The following CCDC73 variants were observed in gnomAD, a reference collection of about 807,000 sequenced individuals.
CCDC73 encodes coiled-coil domain-containing protein 73.
Under a neutral mutation model 116.5 loss-of-function variants are expected in CCDC73, and 95 were observed. The ratio of observed to expected loss-of-function variants is 0.82; its 90% CI spans 0.69 to 0.97. The LOEUF is 0.97. CCDC73 is among the 50% of genes least tolerant of loss of function. The pLI is 0.00. For synonymous variants in CCDC73, 398 were observed against 401.3 expected (o/e 0.99, Z 0.10); for missense variants, 1,066 against 1,206.8 (o/e 0.88, Z 1.73).
chr11:32,619,257 T>A (rs574551839), intron 14 of CCDC73, among the ~76,000 whole-genome samples: 1 of 143,074 alleles, frequency 7.0e-6, no homozygotes, highest in Non-Finnish European at 1.6e-5. Context: ...ATATCCAGAA[T>A]GGTGTTTGCT....
chr11:32,744,311 A>T (rs1222249213), intron 2 of CCDC73, among the ~76,000 whole-genome samples: 1 of 152,212 alleles, frequency 6.6e-6, no homozygotes, highest in Non-Finnish European at 1.5e-5. Context: ...TTGGTTTGCC[A>T]GTATTTTATT....
At chr11:32,616,176 A>G (rs1317424291) in intron 14 of CCDC73, 47 bp from the exon 15 acceptor site, 1 of 1,500,130 alleles carries the variant, frequency 6.7e-7, no homozygotes, top group Non-Finnish European at 8.9e-7. Flanking sequence ...GCCTACAAGT[A>G]TAAAACATTT....
intron 1 of CCDC73, among the ~76,000 whole-genome samples, chr11:32,788,575 T>G (rs1850647050): frequency 1.3e-5 from 2 of 151,532 alleles, no homozygotes; most frequent in African/African-American, 2.4e-5. Flanking sequence ...CCGGAGCTCA[T>G]GAGATCCTCC....
chr11:32,602,830 T>C lies in CCDC73; in HGVS notation c.3221A>G (p.Lys1074Arg), dbSNP rs1392107906. The change falls in exon 18 of 18, where the codon AAA becomes AGA. Residue 1074 changes from lysine to arginine, a missense_variant. Transcript: ENST00000335185. The part of the protein sequence containing the change: ...KKRKAEETLE[K>R]NNRLK Reference sequence around the variant, plus strand: ...TCTACATTATTTTAATCTGTTGTTTTTTTCCAACGTCTCTTCTGCTTTTCT... The same window carrying C: ...TCTACATTATTTTAATCTGTTGTTTCTTTCCAACGTCTCTTCTGCTTTTCT... 1 of 1,597,788 alleles carries C rather than the reference T, an allele frequency of 6.3e-7. No homozygotes were observed. The highest frequency in any genetic ancestry group is 1.8e-5 in the Admixed American group (1 of 57,018).
intron 1 of CCDC73, among the ~76,000 whole-genome samples, chr11:32,767,124 T>C (rs1399031705): frequency 2.6e-5 from 4 of 152,012 alleles, no homozygotes; most frequent in Non-Finnish European, 4.4e-5. Flanking sequence ...AAAACAGAGA[T>C]ATAGACCAAT....
chr11:32,765,307 T>C (rs1357026966), intron 1 of CCDC73, among the ~76,000 whole-genome samples: 1 of 152,204 alleles, frequency 6.6e-6, no homozygotes, highest in Non-Finnish European at 1.5e-5. Flanking sequence ...ATCGACATAA[T>C]ATACATTCTT....
Position 32,700,846 on chromosome 11 carries a change from A to T in CCDC73, c.280-20T>A. On this transcript the variant is annotated intron_variant, in intron 4 of 17. Transcript: ENST00000335185. ...CTGCAACTGATAAACAATTTTAAAA[A>T]TTAAAATAAAGGGATCACTGTTAAC... 7.3e-7 allele frequency: 1 copy of T among 1,376,092 alleles called. No homozygotes were observed. The highest frequency in any genetic ancestry group is 9.9e-7 in the Non-Finnish European group (1 of 1,007,810). 85.2% of individuals were successfully genotyped at this position (1,376,092 alleles called of 1,614,324 possible). A position where few individuals can be genotyped will look rare whatever the true frequency, so the allele number is the denominator to read the frequency against.
intron 14 of CCDC73, among the ~76,000 whole-genome samples, chr11:32,627,851 A>G (rs1438198469): frequency 6.6e-6 from 1 of 152,214 alleles, no homozygotes; most frequent in Non-Finnish European, 1.5e-5. Context: ...GGATAGCATT[A>G]GGAGATATAC....
At position 32,781,354 on chromosome 11, in the gene CCDC73, G is replaced by C. The variant is rs1850582689; in HGVS notation, c.-16+13259C>G. Among the ~76,000 whole-genome samples, 4 of 152,246 alleles carry C rather than the reference G, an allele frequency of 2.6e-5. No homozygotes were observed. In the South Asian group the frequency reaches 8.3e-4, roughly 32 times the overall value. Reference sequence around the variant, plus strand: ...TCTAAGACAAAAACAATAAAACTCTGTTTTTTGGCAGACAGATAAAAAAGT... The same window carrying C: ...TCTAAGACAAAAACAATAAAACTCTCTTTTTTGGCAGACAGATAAAAAAGT... On this transcript the variant is annotated intron_variant, in intron 1 of 17. Coordinates refer to ENST00000335185, the MANE Select transcript of CCDC73 (RefSeq NM_001008391.4).
At chr11:32,782,259 C>A (rs575452861) in intron 1 of CCDC73, among the ~76,000 whole-genome samples, 62 of 152,254 alleles carry the variant, frequency 4.1e-4, no homozygotes, top group Non-Finnish European at 8.2e-4. Context: ...ATAAAGTGCA[C>A]AATAAGTTGT....
At chr11:32,769,623 C>T (rs769637401) in intron 1 of CCDC73, among the ~76,000 whole-genome samples, 3 of 152,076 alleles carry the variant, frequency 2.0e-5, no homozygotes, top group Non-Finnish European at 2.9e-5. Flanking sequence ...TAGGAAGACA[C>T]AAAAGGAGCA....
At position 32,760,152 on chromosome 11, in the gene CCDC73, T is replaced by G. The variant is rs755282787; in HGVS notation, c.92A>C (p.Lys31Thr). ...TLFSIQLLDF[K>T]TSLLEALEEL... ...TTCTAATGCCTCCAGTAAACTTGTT[T>G]TGAAATCTAATAGCTGAATAGAAAA... The change falls in exon 2 of 18, where the codon AAA becomes ACA. Residue 31 changes from lysine to threonine, a missense_variant. Transcript: ENST00000335185. 1 of 1,606,168 alleles carries G rather than the reference T, an allele frequency of 6.2e-7. No homozygotes were observed.
intron 1 of CCDC73, among the ~76,000 whole-genome samples, chr11:32,773,571 G>C (rs1850508167): frequency 1.3e-5 from 2 of 151,972 alleles, no homozygotes; most frequent in Non-Finnish European, 2.9e-5. Flanking sequence ...CTTGAATCCA[G>C]GAGTTCAAGA....
chr11:32,726,491 G>C (rs1186071346), intron 2 of CCDC73, among the ~76,000 whole-genome samples: 1 of 152,030 alleles, frequency 6.6e-6, no homozygotes, highest in East Asian at 1.9e-4. Flanking sequence ...GAAAAAAATA[G>C]CTAGACTGAA....
chr11:32,614,736 A>T lies in CCDC73; in HGVS notation c.1582T>A (p.Cys528Ser). 1 of 1,612,542 alleles carries T rather than the reference A, an allele frequency of 6.2e-7. No individual in the cohort carries two copies. The highest frequency in any genetic ancestry group is 1.7e-4 in the Middle Eastern group (1 of 6,054). The change falls in exon 16 of 18, where the codon TGT becomes AGT. Residue 528 changes from cysteine to serine, a missense_variant. Physicochemically the swap from Cys to Ser is moderately radical, Grantham distance 112. Transcript: ENST00000335185. ...TTATTTGGTGATTTAAATTCTGTAC[A>T]TCCATTGTCTTTTTCCAAGCATATC... is the stretch of plus-strand genomic sequence containing the variant. ...DKICLEKDNG[C>S]TEFKSPNNHF...
Position 32,613,947 on chromosome 11 carries a change from C to T in CCDC73, c.2371G>A (p.Asp791Asn), listed in dbSNP as rs1297523461. 11 of 1,611,398 alleles carry T rather than the reference C, an allele frequency of 6.8e-6. No homozygotes were observed. The highest frequency in any genetic ancestry group is 8.5e-6 in the Non-Finnish European group (10 of 1,179,906). The part of the protein sequence containing the change: ...NENSHASQAK[D>N]VKTAVHMKTC... Reference sequence around the variant, plus strand: ...TTCATGTGAACAGCAGTTTTCACATCTTTGGCTTGTGAAGCATGACTATTC... The same window carrying T: ...TTCATGTGAACAGCAGTTTTCACATTTTTGGCTTGTGAAGCATGACTATTC... Residue 791 changes from aspartate to asparagine, a missense_variant, in exon 16 of 18, where the codon GAT (aspartate) becomes AAT (asparagine). Physicochemically the swap from Asp to Asn is conservative, Grantham distance 23. Transcript: ENST00000335185.
chr11:32,757,961 T>G (rs1360029091), intron 2 of CCDC73, among the ~76,000 whole-genome samples: 1 of 152,178 alleles, frequency 6.6e-6, no homozygotes, highest in Non-Finnish European at 1.5e-5. Flanking sequence ...GGGTGCCATA[T>G]TCTGTCTACC....
chr11:32,707,716 T>C lies in CCDC73; in HGVS notation c.208-4772A>G, dbSNP rs1256515552. ...AGAACAAAGCACATTATTTACGGTATGATTAATCTCAAGGGGGTAAATGTA... is the reference window on the plus strand; with the variant it reads ...AGAACAAAGCACATTATTTACGGTACGATTAATCTCAAGGGGGTAAATGTA... On this transcript the variant is annotated intron_variant, in intron 3 of 17. Coordinates refer to ENST00000335185, the MANE Select transcript of CCDC73 (RefSeq NM_001008391.4). Among the ~76,000 whole-genome samples the C allele has an allele frequency of 2.0e-5, 3 of 152,182 alleles. No homozygotes were observed. In the East Asian group the frequency reaches 5.8e-4, roughly 29 times the overall value.
intron 3 of CCDC73, among the ~76,000 whole-genome samples, chr11:32,709,112 A>G (rs568706415): frequency 6.6e-6 from 1 of 152,314 alleles, no homozygotes; most frequent in East Asian, 1.9e-4. Flanking sequence ...TTAATCATAA[A>G]GGGATGCTGG....
Sources: allele counts gnomAD v4.1 joint callset (sites outside exome capture counted in the v4.1 genomes callset), GRCh38; gene constraint gnomAD v4.1.1; transcripts MANE v1.5; gene names NCBI Gene and HGNC (gene_info 2026-07-23, HGNC 2026-07-21).